RBFOX1: variants seen among roughly 807,000 people sequenced by gnomAD.
The protein encoded by RBFOX1 is RNA binding protein fox-1 homolog 1.
Under a neutral mutation model 57.7 loss-of-function variants are expected in RBFOX1, and 8 were observed. The ratio of observed to expected loss-of-function variants is 0.14; its 90% confidence interval spans 0.08 to 0.25. The LOEUF (loss-of-function observed/expected upper bound fraction) is 0.25. Ranked by LOEUF, RBFOX1 falls within the 10% of genes least tolerant of loss-of-function variation. The probability of loss-of-function intolerance (pLI) is 1.00; values close to 1 mark genes in which losing one functional copy is unlikely to be tolerated. For missense variants in RBFOX1, 611 were observed against 548.5 expected (o/e 1.11, Z -1.14); for synonymous variants, 326 against 222.4 (o/e 1.47, Z -4.15).
intron 14 of RBFOX1, among the ~76,000 whole-genome samples, chr16:7,692,952 A>G (rs2077696869): frequency 6.6e-6 from 1 of 151,912 alleles, no homozygotes; most frequent in African/African-American, 2.4e-5. Flanking sequence ...AGTATACCCT[A>G]TTTCTTAATC....
intron 1 of RBFOX1, among the ~76,000 whole-genome samples, chr16:5,307,952 A>G (rs960360151): frequency 3.3e-5 from 5 of 152,152 alleles, no homozygotes; most frequent in African/African-American, 1.2e-4. Context: ...TGCTGAAATT[A>G]CAAGCTTGAA....
At chr16:6,118,982 C>G (rs936214911) in intron 1 of RBFOX1, among the ~76,000 whole-genome samples, 1 of 151,008 alleles carries the variant, frequency 6.6e-6, no homozygotes, top group Non-Finnish European at 1.5e-5. Context: ...CCTTAGTTCC[C>G]TCCAGTCTGT....
intron 4 of RBFOX1, among the ~76,000 whole-genome samples, chr16:7,358,140 AG>A (rs1260232194): frequency 7.9e-5 from 12 of 152,210 alleles, no homozygotes; most frequent in Non-Finnish European, 1.5e-4. Context: ...AACTCACTCC[AG>A]AAAATAAATT....
intron 2 of RBFOX1, among the ~76,000 whole-genome samples, chr16:6,368,589 A>G (rs1225930993): frequency 6.6e-6 from 1 of 152,074 alleles, no homozygotes; most frequent in Non-Finnish European, 1.5e-5. Context: ...CTGAGCTTCC[A>G]CTCATGCCCT....
intron 1 of RBFOX1, among the ~76,000 whole-genome samples, chr16:5,440,300 A>G (rs889387836): frequency 5.9e-5 from 9 of 152,202 alleles, no homozygotes; most frequent in African/African-American, 1.4e-4. Context: ...TTCACATCCA[A>G]GTTTCTTAGA....
chr16:6,972,186 G>T (rs538124812), intron 3 of RBFOX1, among the ~76,000 whole-genome samples: 1 of 149,280 alleles, frequency 6.7e-6, no homozygotes, highest in South Asian at 2.2e-4. Flanking sequence ...TTGTGATAGA[G>T]ATCACGAAAG....
intron 2 of RBFOX1, among the ~76,000 whole-genome samples, chr16:6,626,288 C>T (rs142486139): frequency 6.0e-4 from 92 of 152,180 alleles, no homozygotes; most frequent in African/African-American, 2.0e-3. Flanking sequence ...CCATGTGACT[C>T]TTGCACTAGA....
At chr16:5,376,680 T>G (rs1313577099) in intron 1 of RBFOX1, among the ~76,000 whole-genome samples, 2 of 147,164 alleles carry the variant, frequency 1.4e-5, no homozygotes, top group Non-Finnish European at 2.9e-5. Context: ...GCGGGTACCA[T>G]TGGTTCTTGT....
intron 3 of RBFOX1, among the ~76,000 whole-genome samples, chr16:6,788,380 T>G (rs2154244993): frequency 6.6e-6 from 1 of 152,238 alleles, no homozygotes; most frequent in South Asian, 2.1e-4. Flanking sequence ...TGTAACTAGT[T>G]TCATAATAAT....
At chr16:5,259,486 T>A (rs1230196076) in intron 1 of RBFOX1, among the ~76,000 whole-genome samples, 1 of 152,204 alleles carries the variant, frequency 6.6e-6, no homozygotes, top group Admixed American at 6.5e-5. Flanking sequence ...ATCACTTGCA[T>A]TCAGGTCTGT....
At position 5,998,005 on chromosome 16, in the gene RBFOX1, A is replaced by G. The variant is rs144397858; in HGVS notation, c.351+130670A>G. On this transcript the variant is annotated intron_variant, in intron 4 of 19. Coordinates refer to the RBFOX1 transcript ENST00000641259. ...GCCGTAACATTGGAGTTAAGGATTT[A>G]CCACTTCAGTTGGTGCCTCACCAGT... Among the ~76,000 whole-genome samples the G allele has an allele frequency of 3.0e-3, 457 of 152,334 alleles. 5 individuals are homozygous for G. Among genetic ancestry groups the G allele is most frequent in the African/African-American group, 8.5e-3 (352 of 41,578 alleles).
At chr16:6,919,096 C>A (rs572787429) in intron 3 of RBFOX1, among the ~76,000 whole-genome samples, 1 of 152,170 alleles carries the variant, frequency 6.6e-6, no homozygotes, top group African/African-American at 2.4e-5. Context: ...TCTCCTGTCT[C>A]AGCCTACTGA....
At chr16:6,598,479 T>G (rs1283334373) in intron 2 of RBFOX1, among the ~76,000 whole-genome samples, 1 of 152,200 alleles carries the variant, frequency 6.6e-6, no homozygotes, top group Non-Finnish European at 1.5e-5. Flanking sequence ...TTAATCAGTC[T>G]GTAGAAAATA....
intron 2 of RBFOX1, among the ~76,000 whole-genome samples, chr16:6,636,932 A>G (rs1185348405): frequency 1.8e-5 from 2 of 108,642 alleles, no homozygotes; most frequent in Non-Finnish European, 3.4e-5. Flanking sequence ...ATTATGTATA[A>G]ATATACATAA....
chr16:6,448,657 C>G (rs912207496), intron 2 of RBFOX1, among the ~76,000 whole-genome samples: 1 of 152,066 alleles, frequency 6.6e-6, no homozygotes, highest in African/African-American at 2.4e-5. Flanking sequence ...CAAAATCACC[C>G]CTGATTGAGA....
chr16:6,601,301 T>A (rs1161883143), intron 2 of RBFOX1, among the ~76,000 whole-genome samples: 1 of 152,174 alleles, frequency 6.6e-6, no homozygotes, highest in African/African-American at 2.4e-5. Context: ...GTATTTAAGC[T>A]TCTTACACTC....
chr16:7,176,633 A>C (rs1467179123), intron 4 of RBFOX1, among the ~76,000 whole-genome samples: 1 of 152,198 alleles, frequency 6.6e-6, no homozygotes, highest in Non-Finnish European at 1.5e-5. Context: ...TATGGGTGGC[A>C]AAGCCTGAAA....
At chr16:6,799,600 A>T (rs544682328) in intron 3 of RBFOX1, among the ~76,000 whole-genome samples, 2 of 152,180 alleles carry the variant, frequency 1.3e-5, no homozygotes, top group East Asian at 1.9e-4. Context: ...GGAGAGAAAG[A>T]CCCACCCTCA....
intron 4 of RBFOX1, among the ~76,000 whole-genome samples, chr16:7,303,332 C>A (rs556506145): frequency 6.6e-6 from 1 of 152,286 alleles, no homozygotes; most frequent in East Asian, 1.9e-4. Flanking sequence ...GCCCCCAGCC[C>A]CTAACGTCTC....
Sources: gnomAD v4.1 joint callset for allele counts (sites outside exome capture counted in the v4.1 genomes callset) on GRCh38, gnomAD v4.1.1 for gene constraint, MANE v1.5 for transcripts, NCBI Gene and HGNC (gene_info 2026-07-23, HGNC 2026-07-21) for gene names.